The following OR3A2 variants were observed in gnomAD, a reference collection of about 807,000 sequenced individuals.
OR3A2 encodes the protein olfactory receptor family 3 subfamily A member 2, also known as olfactory receptor 3A2.
For missense variants in OR3A2, 318 were observed against 392.8 expected, an observed-to-expected ratio of 0.81 and a Z score of 1.61; for synonymous variants, 126 against 159.3, an observed-to-expected ratio of 0.79 and a Z score of 1.57.
intron 2 of OR3A2, among the ~76,000 whole-genome samples, chr17:3,349,122 A>T (rs2049396359): frequency 6.6e-6 from 1 of 152,170 alleles, no homozygotes; most frequent in African/African-American, 2.4e-5. Flanking sequence ...AACCGCATCA[A>T]CTAACGTGCA....
At chr17:3,384,416 T>G (rs1233824303) in intron 1 of OR3A2, among the ~76,000 whole-genome samples, 1 of 152,160 alleles carries the variant, frequency 6.6e-6, no homozygotes, top group Non-Finnish European at 1.5e-5. Context: ...ACTCCATGCC[T>G]CCTCTGCCAA....
intron 2 of OR3A2, among the ~76,000 whole-genome samples, chr17:3,383,151 C>T (rs530752238): frequency 1.3e-5 from 2 of 152,272 alleles, no homozygotes; most frequent in South Asian, 2.1e-4. Context: ...TTCCTTTGGC[C>T]ACTATGTGAA....
At chr17:3,338,077 GAA>G (rs1241878917) in intron 2 of OR3A2, among the ~76,000 whole-genome samples, 1 of 152,180 alleles carries the variant, frequency 6.6e-6, no homozygotes, top group Non-Finnish European at 1.5e-5. Context: ...GTCTTCTTTT[GAA>G]AAGTGTCCAT....
chr17:3,287,109 C>T (rs954332942), upstream of OR3A2, among the ~76,000 whole-genome samples: 3 of 152,216 alleles, frequency 2.0e-5, no homozygotes, highest in East Asian at 3.9e-4. Context: ...CCAGAGATAT[C>T]CAACCTAAAC....
chr17:3,380,436 G>A (rs1381088550), intron 2 of OR3A2, among the ~76,000 whole-genome samples: 1 of 152,160 alleles, frequency 6.6e-6, no homozygotes, highest in Admixed American at 6.5e-5. Context: ...TATGACATGG[G>A]TGTTGGGTGG....
intron 2 of OR3A2, among the ~76,000 whole-genome samples, chr17:3,349,204 A>G (rs984851278): frequency 1.3e-5 from 2 of 152,050 alleles, no homozygotes; most frequent in African/African-American, 4.8e-5. Context: ...ATGTAAATGG[A>G]CTAAATGCTC....
At chr17:3,302,887 C>T (rs963343029) in intron 3 of OR3A2, among the ~76,000 whole-genome samples, 1 of 152,176 alleles carries the variant, frequency 6.6e-6, no homozygotes, top group Non-Finnish European at 1.5e-5. Context: ...AAGCGGCTGC[C>T]ACCCACAGTA....
At chr17:3,289,048 C>T (rs1047658516), upstream of OR3A2, among the ~76,000 whole-genome samples, 18 of 151,994 alleles carry the variant, frequency 1.2e-4, no homozygotes, top group African/African-American at 4.4e-4. Context: ...GCAATATAGA[C>T]AGAGAAAAGT....
intron 3 of OR3A2, among the ~76,000 whole-genome samples, chr17:3,332,427 G>A (rs367887455): frequency 1.8e-4 from 28 of 152,154 alleles, no homozygotes; most frequent in East Asian, 9.6e-4. Flanking sequence ...GCTGCAGTCC[G>A]AAAAGCGCAA....
intron 2 of OR3A2, among the ~76,000 whole-genome samples, chr17:3,383,040 G>A (rs1008757010): frequency 3.3e-5 from 5 of 152,202 alleles, no homozygotes; most frequent in African/African-American, 1.2e-4. Flanking sequence ...GGACAAAGCA[G>A]AGAGTGACCA....
chr17:3,332,589 C>T (rs1313970058), intron 3 of OR3A2, among the ~76,000 whole-genome samples: 1 of 152,210 alleles, frequency 6.6e-6, no homozygotes, highest in African/African-American at 2.4e-5. Flanking sequence ...CACTGACCTG[C>T]GCCCACTGTC....
intron 2 of OR3A2, among the ~76,000 whole-genome samples, chr17:3,361,936 G>C (rs1457652451): frequency 6.6e-6 from 1 of 151,690 alleles, no homozygotes; most frequent in Admixed American, 6.6e-5. Flanking sequence ...CTCATAAAAT[G>C]AGTTAGGGTG....
intron 3 of OR3A2, chr17:3,291,321 A>T: frequency 3.9e-6 from 1 of 256,366 alleles, no homozygotes; most frequent in Non-Finnish European, 7.3e-6. Context: ...GTAACCAACC[A>T]AAGAGTCATT....
At chr17:3,307,268 G>A (rs535151664) in intron 3 of OR3A2, among the ~76,000 whole-genome samples, 9 of 152,368 alleles carry the variant, frequency 5.9e-5, no homozygotes, top group Admixed American at 3.9e-4. Flanking sequence ...CAGAAAAGGA[G>A]ACGACACAGC....
At chr17:3,320,487 T>C (rs558840875) in intron 3 of OR3A2, among the ~76,000 whole-genome samples, 1,651 of 122,968 alleles carry the variant, frequency 0.013, 217 homozygotes, top group Admixed American at 0.024. Context: ...GCATAGGTTT[T>C]CTTCTAGGGT....
intron 3 of OR3A2, among the ~76,000 whole-genome samples, chr17:3,320,035 AC>A (rs1322770215): frequency 6.6e-6 from 1 of 152,176 alleles, no homozygotes. Context: ...CCTCTCCAGC[AC>A]CTGTTGTTTC....
intron 2 of OR3A2, among the ~76,000 whole-genome samples, chr17:3,336,614 G>T (rs1247529251): frequency 6.6e-6 from 1 of 152,124 alleles, no homozygotes; most frequent in Non-Finnish European, 1.5e-5. Context: ...TCTACTTCAT[G>T]CTCTACAATA....
intron 3 of OR3A2, among the ~76,000 whole-genome samples, chr17:3,322,489 G>C (rs2049132547): frequency 6.6e-6 from 1 of 152,066 alleles, no homozygotes; most frequent in Admixed American, 6.6e-5. Context: ...GATCTTTCCT[G>C]CTTTCTCTTG....
chr17:3,338,368 T>C (rs1006823358), intron 2 of OR3A2, among the ~76,000 whole-genome samples: 2 of 152,202 alleles, frequency 1.3e-5, no homozygotes, highest in Admixed American at 6.5e-5. Context: ...TTGAATGCTA[T>C]TGCCTAGGTT....
Sources: gnomAD v4.1 joint callset for allele counts (sites outside exome capture counted in the v4.1 genomes callset) on GRCh38, gnomAD v4.1.1 for gene constraint, MANE v1.5 for transcripts, NCBI Gene and HGNC (gene_info 2026-07-23, HGNC 2026-07-21) for gene names.